Variants in KCNJ6 observed in about 807,000 individuals in gnomAD.
KCNJ6 encodes G protein-activated inward rectifier potassium channel 2.
Under a neutral mutation model 34.2 loss-of-function variants are expected in KCNJ6, and 9 were observed. The observed-to-expected ratio is 0.26, with a 90% CI of 0.16 to 0.46. The LOEUF (loss-of-function observed/expected upper bound fraction) is 0.46, where lower values mean the gene tolerates loss of function less well. KCNJ6 is among the 20% of genes least tolerant of loss of function. The pLI is 1.00. For synonymous variants in KCNJ6, 196 were observed against 207.1 expected, an observed-to-expected ratio of 0.95 and a Z score of 0.46; for missense variants, 236 against 531.3, an observed-to-expected ratio of 0.44 and a Z score of 5.46.
intron 2 of KCNJ6, among the ~76,000 whole-genome samples, chr21:37,813,766 A>G (rs190642816): frequency 6.6e-6 from 1 of 152,364 alleles, no homozygotes; most frequent in Admixed American, 6.5e-5. Context: ...AATGTATTAA[A>G]GACTTAAACC....
At chr21:37,801,782 C>T (rs961983980) in intron 2 of KCNJ6, among the ~76,000 whole-genome samples, 44 of 152,044 alleles carry the variant, frequency 2.9e-4, no homozygotes, top group African/African-American at 6.0e-4. Context: ...ACCCCTTTCC[C>T]GACTCAGAGG....
At chr21:37,750,707 A>G (rs1202943146) in intron 2 of KCNJ6, among the ~76,000 whole-genome samples, 1 of 152,026 alleles carries the variant, frequency 6.6e-6, no homozygotes, top group Non-Finnish European at 1.5e-5. Context: ...AGGGAGGGGA[A>G]CATCACACTC....
intron 3 of KCNJ6, among the ~76,000 whole-genome samples, chr21:37,664,713 GT>G: frequency 6.6e-6 from 1 of 150,962 alleles, no homozygotes; most frequent in Non-Finnish European, 1.5e-5. Context: ...GCTAGATGGT[GT>G]TTTACTCTGA....
chr21:37,799,014 T>A (rs2055256699), intron 2 of KCNJ6, among the ~76,000 whole-genome samples: 1 of 152,192 alleles, frequency 6.6e-6, no homozygotes, highest in African/African-American at 2.4e-5. Context: ...AATATTTTGT[T>A]ACCCAGGTAT....
intron 2 of KCNJ6, among the ~76,000 whole-genome samples, chr21:37,719,090 G>A (rs539986399): frequency 2.6e-5 from 4 of 152,236 alleles, no homozygotes; most frequent in East Asian, 1.9e-4. Flanking sequence ...GAGAAGAGAT[G>A]AAGGAGGAGC....
In KCNJ6 at chr21:37,696,240, G is replaced by A. The variant is rs1271834418; in HGVS notation, c.946+17971C>T. 5.3e-5 allele frequency among the ~76,000 whole-genome samples: 8 copies of A among 152,324 alleles called. No individual in the cohort carries two copies. In the East Asian group the frequency reaches 1.5e-3, roughly 29 times the overall value. On this transcript the variant is annotated intron_variant, in intron 3 of 3. Coordinates refer to ENST00000609713, the MANE Select transcript of KCNJ6 (RefSeq NM_002240.5). The stretch of plus-strand genomic sequence containing the variant: ...ATATTTACATGGCCTCAAAGTAACT[G>A]CTCTGAGATACTTCTTACAAGGTGA...
At position 37,675,625 on chromosome 21, in the gene KCNJ6, C is replaced by T. The variant is rs1045772380; in HGVS notation, c.946+38586G>A. Reference sequence around the variant, plus strand: ...GGAATTCTCCGGCCCCAGGAGAGGCCGTGTGGCCATAAAAGGGCTGACCTC... The same window carrying T: ...GGAATTCTCCGGCCCCAGGAGAGGCTGTGTGGCCATAAAAGGGCTGACCTC... On this transcript the variant is annotated intron_variant, in intron 3 of 3. Transcript: ENST00000609713. This position sits in a 1 kb window ranked among gnomAD's most constrained non-coding sequence, Gnocchi z 4.2. Among the ~76,000 whole-genome samples the T allele has an allele frequency of 3.3e-5, 5 of 152,220 alleles. No homozygotes were observed. Among genetic ancestry groups the T allele is most frequent in the African/African-American group, 1.2e-4 (5 of 41,454 alleles).
chr21:37,785,893 T>C (rs2055190436), intron 2 of KCNJ6, among the ~76,000 whole-genome samples: 1 of 152,234 alleles, frequency 6.6e-6, no homozygotes, highest in Non-Finnish European at 1.5e-5. Flanking sequence ...GCTTACCTCT[T>C]CTACCATTTG....
At chr21:37,848,138 C>T (rs2055519362) in intron 1 of KCNJ6, among the ~76,000 whole-genome samples, 1 of 152,162 alleles carries the variant, frequency 6.6e-6, no homozygotes, top group African/African-American at 2.4e-5. Context: ...TGTGGCAAAC[C>T]AGTGGGAGGA....
At chr21:37,691,485 T>C (rs935671757) in intron 3 of KCNJ6, among the ~76,000 whole-genome samples, 2 of 152,200 alleles carry the variant, frequency 1.3e-5, no homozygotes, top group African/African-American at 4.8e-5. Flanking sequence ...CAGCTCTTGT[T>C]GGAAGGTGGG....
chr21:37,866,188 G>T (rs2055621916), intron 1 of KCNJ6, among the ~76,000 whole-genome samples: 1 of 152,098 alleles, frequency 6.6e-6, no homozygotes, highest in Admixed American at 6.5e-5. Flanking sequence ...GGTGGATTCA[G>T]TTCCTGCCTG....
At chr21:37,865,470 G>T (rs1205806611) in intron 1 of KCNJ6, among the ~76,000 whole-genome samples, 1 of 152,192 alleles carries the variant, frequency 6.6e-6, no homozygotes, top group Non-Finnish European at 1.5e-5. Context: ...GGGAGGCAGG[G>T]GCCTGACTCT....
At chr21:37,911,159 G>A (rs992171708) in intron 1 of KCNJ6, among the ~76,000 whole-genome samples, 1 of 152,102 alleles carries the variant, frequency 6.6e-6, no homozygotes, top group Non-Finnish European at 1.5e-5. Flanking sequence ...TACCATTAGA[G>A]CACTAACTGC....
At chr21:37,666,592 C>A (rs1336029407) in intron 3 of KCNJ6, among the ~76,000 whole-genome samples, 7 of 152,090 alleles carry the variant, frequency 4.6e-5, no homozygotes, top group Non-Finnish European at 2.9e-5. Context: ...TCTGCCTGGC[C>A]ACTGTGCAAT....
chr21:37,908,151 C>A (rs16995633), intron 1 of KCNJ6, among the ~76,000 whole-genome samples: 1,534 of 152,262 alleles, frequency 0.01, 31 homozygotes, highest in African/African-American at 0.035. Context: ...GAAATGGAAA[C>A]GATGTAAGAG....
intron 2 of KCNJ6, among the ~76,000 whole-genome samples, chr21:37,762,547 T>C (rs2055070932): frequency 6.6e-6 from 1 of 152,186 alleles, no homozygotes. Flanking sequence ...AGCCCGTTTC[T>C]TTTTTCGGCA....
chr21:37,699,142 A>G (rs1288632045), intron 3 of KCNJ6, among the ~76,000 whole-genome samples: 1 of 152,204 alleles, frequency 6.6e-6, no homozygotes, highest in Non-Finnish European at 1.5e-5. Context: ...ACCCTGAAAT[A>G]TTTACAATCT....
chr21:37,863,083 A>G (rs2055602885), intron 1 of KCNJ6, among the ~76,000 whole-genome samples: 1 of 152,258 alleles, frequency 6.6e-6, no homozygotes, highest in Non-Finnish European at 1.5e-5. Flanking sequence ...AGATCAATGT[A>G]GTAAAACTGA....
chr21:37,874,620 C>T (rs1229234152), intron 1 of KCNJ6, among the ~76,000 whole-genome samples: 4 of 152,202 alleles, frequency 2.6e-5, no homozygotes, highest in Non-Finnish European at 4.4e-5. Flanking sequence ...GAAAGATGAA[C>T]AAATTATTCA....
Sources: gnomAD v4.1 joint callset for allele counts (sites outside exome capture counted in the v4.1 genomes callset) on GRCh38, gnomAD v4.1.1 for gene constraint, Gnocchi (gnomAD v3.1) non-coding constraint, MANE v1.5 for transcripts, NCBI Gene and HGNC (gene_info 2026-07-23, HGNC 2026-07-21) for gene names.